Variants in KANSL1 observed in about 807,000 individuals in gnomAD.
KANSL1 encodes the protein MLL1/MLL complex subunit KANSL1.
KANSL1 carries 22 observed loss-of-function variants against 103.6 expected under a neutral mutation model. That is an observed-to-expected ratio of 0.21 (90% CI 0.15 to 0.30). The LOEUF (loss-of-function observed/expected upper bound fraction) is 0.30. KANSL1 is among the 10% of genes least tolerant of loss of function. The pLI is 1.00. For synonymous variants in KANSL1, 600 were observed against 527.6 expected (o/e 1.14, Z -1.88); for missense variants, 1,337 against 1,399.8 (o/e 0.96, Z 0.72).
At chr17:46,163,199 T>G (rs1309982308) in intron 2 of KANSL1, among the ~76,000 whole-genome samples, 1 of 152,268 alleles carries the variant, frequency 6.6e-6, no homozygotes, top group East Asian at 1.9e-4. Flanking sequence ...GATTGTATCT[T>G]TCTTAACCAC....
chr17:46,033,306 C>T, intron 12 of KANSL1, 97 bp downstream of exon 12: 3 of 1,449,408 alleles, frequency 2.1e-6, no homozygotes, highest in Non-Finnish European at 2.9e-6. Context: ...TTGCACTTCA[C>T]ACCCACAAGT....
chr17:46,197,332 G>A (rs1038536376), upstream of KANSL1, among the ~76,000 whole-genome samples: 7 of 151,980 alleles, frequency 4.6e-5, no homozygotes, highest in East Asian at 1.9e-4. Context: ...CACTGTTATC[G>A]TCTACTCACT....
chr17:46,187,892 CT>C (rs1471412668), intron 1 of KANSL1, among the ~76,000 whole-genome samples: 31 of 152,340 alleles, frequency 2.0e-4, no homozygotes, highest in Middle Eastern at 3.4e-3. Context: ...GTGTTTTCTA[CT>C]TTGGTCAAGT....
intron 2 of KANSL1, among the ~76,000 whole-genome samples, chr17:46,131,409 CAATAAAATTACATTTGTCATACCTTA>C (rs2043854134): frequency 6.6e-6 from 1 of 152,194 alleles, no homozygotes; most frequent in Non-Finnish European, 1.5e-5. Context: ...GCATTTCCCT[CAATAAAATTACATTTGTCATACCTTA>C]ATTGTGCAAA....
intron 2 of KANSL1, among the ~76,000 whole-genome samples, chr17:46,147,592 AAAAAG>A (rs2044791235): frequency 1.3e-5 from 2 of 151,208 alleles, no homozygotes; most frequent in African/African-American, 4.9e-5. Flanking sequence ...AAAAAAAAAA[AAAAAG>A]AGAGCGAGAG....
chr17:46,053,810 G>A, intron 6 of KANSL1, among the ~76,000 whole-genome samples: 1 of 151,910 alleles, frequency 6.6e-6, no homozygotes, highest in East Asian at 1.9e-4. Context: ...TACCCATGTT[G>A]CACAAATCCA....
intron 1 of KANSL1, among the ~76,000 whole-genome samples, chr17:46,218,357 A>T (rs1414960411): frequency 6.6e-6 from 1 of 152,258 alleles, no homozygotes; most frequent in Non-Finnish European, 1.5e-5. Flanking sequence ...CCACTCTAGG[A>T]TCTAGGTACT....
At chr17:46,052,964 C>CAAAAAAAAAAAAAA (rs34473927) in intron 6 of KANSL1, among the ~76,000 whole-genome samples, 13 of 32,998 alleles carry the variant, frequency 3.9e-4, no homozygotes, top group Non-Finnish European at 7.0e-4. Context: ...ATCCTGTCTC[C>CAAAAAAAAAAAAAA]AAAAAAAAAA....
At position 46,103,590 on chromosome 17, in the gene KANSL1, A is replaced by G. The variant is rs548861152; in HGVS notation, c.1290-8889T>C. Among the ~76,000 whole-genome samples, 5 of 152,334 alleles carry G rather than the reference A, an allele frequency of 3.3e-5. No homozygotes were observed. In the South Asian group the frequency reaches 1.0e-3, roughly 32 times the overall value. On this transcript the variant is annotated intron_variant, in intron 2 of 14. Transcript: ENST00000432791. ...ACAATTCATTTACTTAATACATCAC[A>G]AGCTCGTAACACGCTCCTCCTCATT...
chr17:46,178,765 A>G (rs1252963903), intron 1 of KANSL1, among the ~76,000 whole-genome samples: 6 of 152,222 alleles, frequency 3.9e-5, no homozygotes, highest in Non-Finnish European at 8.8e-5. Flanking sequence ...TGAATATGCA[A>G]ATGTTTACCT....
chr17:46,183,566 GA>G (rs879836149), intron 1 of KANSL1, among the ~76,000 whole-genome samples: 21,922 of 149,830 alleles, frequency 0.15, 2,141 homozygotes, highest in Middle Eastern at 0.22. Context: ...GAGAGGGGAG[GA>G]GAGAGGAGAG....
At chr17:46,188,623 A>G (rs1177268769) in intron 1 of KANSL1, among the ~76,000 whole-genome samples, 2 of 152,244 alleles carry the variant, frequency 1.3e-5, no homozygotes, top group African/African-American at 2.4e-5. Flanking sequence ...AAGTAAGTAA[A>G]GAGGCACTAA....
At chr17:46,212,474 C>T (rs2048196299) in intron 1 of KANSL1, among the ~76,000 whole-genome samples, 1 of 152,168 alleles carries the variant, frequency 6.6e-6, no homozygotes, top group Non-Finnish European at 1.5e-5. Context: ...CCACCTCGGC[C>T]TCCTGAAGTG....
chr17:46,140,816 CACAATGAGA>C (rs2044381628), intron 2 of KANSL1, among the ~76,000 whole-genome samples: 1 of 152,084 alleles, frequency 6.6e-6, no homozygotes, highest in South Asian at 2.1e-4. Flanking sequence ...AAATCAAAAC[CACAATGAGA>C]TACCACTTCA....
chr17:46,140,904 C>T (rs1290695810), intron 2 of KANSL1, among the ~76,000 whole-genome samples: 2 of 152,054 alleles, frequency 1.3e-5, no homozygotes, highest in South Asian at 2.1e-4. Context: ...GAGAATGGAA[C>T]CCACAAATAT....
intron 1 of KANSL1, among the ~76,000 whole-genome samples, chr17:46,173,580 A>G (rs1264749367): frequency 6.6e-6 from 1 of 152,236 alleles, no homozygotes; most frequent in Non-Finnish European, 1.5e-5. Flanking sequence ...TCGTGAAATC[A>G]AAGGTATTTT....
At chr17:46,183,722 AG>A (rs2046897051) in intron 1 of KANSL1, among the ~76,000 whole-genome samples, 1 of 152,136 alleles carries the variant, frequency 6.6e-6, no homozygotes, top group Non-Finnish European at 1.5e-5. Context: ...AGGCCAAGGC[AG>A]GAAGATCACT....
intron 2 of KANSL1, among the ~76,000 whole-genome samples, chr17:46,144,331 T>C (rs2044585583): frequency 6.6e-6 from 1 of 152,180 alleles, no homozygotes. Flanking sequence ...AAATTCCAGA[T>C]TTCCTCCTCA....
intron 7 of KANSL1, among the ~76,000 whole-genome samples, chr17:46,047,603 G>T (rs1216820511): frequency 2.6e-5 from 4 of 151,982 alleles, no homozygotes; most frequent in Non-Finnish European, 4.4e-5. Flanking sequence ...GGGCAATATA[G>T]CAAGACCCCA....
Sources: gnomAD v4.1 joint callset for allele counts (sites outside exome capture counted in the v4.1 genomes callset) on GRCh38, gnomAD v4.1.1 for gene constraint, MANE v1.5 for transcripts, NCBI Gene and HGNC (gene_info 2026-07-23, HGNC 2026-07-21) for gene names.